Variants in USP47 observed in about 807,000 individuals in gnomAD.
USP47 encodes ubiquitin specific peptidase 47, also known as ubiquitin carboxyl-terminal hydrolase 47.
Under a neutral mutation model 165.1 loss-of-function variants are expected in USP47, and 35 were observed. The observed-to-expected ratio is 0.21, with a 90% CI of 0.16 to 0.28. USP47 has a LOEUF of 0.28. Among genes scored for constraint, USP47 ranks in the 10% least tolerant of loss-of-function variants. The pLI is 1.00. For synonymous variants in USP47, 531 were observed against 544.5 expected (o/e 0.98, Z 0.35); for missense variants, 1,277 against 1,607.4 (o/e 0.79, Z 3.52).
chr11:11,933,242 T>A, intron 15 of USP47, 126 bp downstream of exon 15: 1 of 758,130 alleles, frequency 1.3e-6, no homozygotes, highest in Non-Finnish European at 2.2e-6. Context: ...TTGAACAGTG[T>A]AACCAACTAT....
intron 1 of USP47, among the ~76,000 whole-genome samples, chr11:11,860,890 TGA>T (rs1416581276): frequency 6.6e-6 from 1 of 152,082 alleles, no homozygotes; most frequent in Non-Finnish European, 1.5e-5. Flanking sequence ...AGGATAAAAG[TGA>T]GAGGAAAAGT....
chr11:11,847,437 C>G (rs968333724), intron 1 of USP47, among the ~76,000 whole-genome samples: 1 of 152,118 alleles, frequency 6.6e-6, no homozygotes, highest in Non-Finnish European at 1.5e-5. Flanking sequence ...CAGATTTCCA[C>G]TGTTCTGGAT....
In USP47 at chr11:11,854,134, CAAAAAAAA is replaced by C. The variant is rs539855427; in HGVS notation, c.39+11922_39+11929del. Among the ~76,000 whole-genome samples the C allele has an allele frequency of 3.4e-5, 2 of 59,182 alleles. 1 individual carries two copies. Among genetic ancestry groups the C allele is most frequent in the Non-Finnish European group, 7.9e-5 (2 of 25,474 alleles). 38.8% of individuals were successfully genotyped at this position (59,182 alleles called of 152,430 possible). ...AGGGGGACAGGGCGAGACTCCGTCT[CAAAAAAAA>C]AAAAAAAAAAATCCTATCCAACCAG... On this transcript the variant is annotated intron_variant, in intron 1 of 27. Transcript: ENST00000527733.
chr11:11,864,144 TATTA>T (rs1849536666), intron 1 of USP47, among the ~76,000 whole-genome samples: 1 of 151,994 alleles, frequency 6.6e-6, no homozygotes, highest in Non-Finnish European at 1.5e-5. Context: ...ACTCAAATTA[TATTA>T]ATTCCTTTAA....
At chr11:11,931,752 AT>A (rs149478273) in intron 14 of USP47, among the ~76,000 whole-genome samples, 2,627 of 152,170 alleles carry the variant, frequency 0.017, 58 homozygotes, top group East Asian at 0.081. Context: ...TTTTGATAAA[AT>A]TTTTTTCCCC....
chr11:11,908,441 G>A (rs892257498), intron 8 of USP47, among the ~76,000 whole-genome samples: 1 of 151,758 alleles, frequency 6.6e-6, no homozygotes, highest in Non-Finnish European at 1.5e-5. Flanking sequence ...GCCCAGCCAG[G>A]GTTTTTCTTT....
In USP47 at chr11:11,957,089, C is replaced by T. The variant is rs1265217094; in HGVS notation, c.*914C>T. 6.6e-6 allele frequency: 1 copy of T among 152,120 alleles called. No homozygotes were observed. Among genetic ancestry groups the T allele is most frequent in the Non-Finnish European group, 1.5e-5 (1 of 68,036 alleles). 9.4% of individuals were successfully genotyped at this position (152,120 alleles called of 1,614,324 possible). On this transcript the variant is annotated 3_prime_UTR_variant, in exon 28 of 28. Coordinates refer to ENST00000527733, the MANE Select transcript of USP47 (RefSeq NM_001282659.2). The stretch of plus-strand genomic sequence containing the variant: ...GCTAGGTCCCATAGGATTGTCGTTG[C>T]CCTTGTTAATGAGGTTTCTCTGTTC...
chr11:11,871,757 C>G (rs940591469), intron 1 of USP47, among the ~76,000 whole-genome samples: 6 of 152,058 alleles, frequency 3.9e-5, no homozygotes, highest in Non-Finnish European at 7.4e-5. Flanking sequence ...CTCTTTCCAC[C>G]CCTTGAACTC....
chr11:11,909,325 A>G (rs894445101), intron 8 of USP47, among the ~76,000 whole-genome samples: 4 of 152,184 alleles, frequency 2.6e-5, no homozygotes, highest in Non-Finnish European at 2.9e-5. Context: ...AGAACCTTCT[A>G]TGTTCACTGA....
chr11:11,944,152 A>G (rs1855667749), intron 20 of USP47, among the ~76,000 whole-genome samples: 1 of 149,496 alleles, frequency 6.7e-6, no homozygotes, highest in Non-Finnish European at 1.5e-5. Flanking sequence ...CACCCATCCA[A>G]GTAACATTTT....
intron 11 of USP47, among the ~76,000 whole-genome samples, chr11:11,928,046 C>T (rs1444142516): frequency 6.6e-6 from 1 of 151,852 alleles, no homozygotes. Flanking sequence ...TAGAATTTTC[C>T]AGGAAGATAA....
intron 1 of USP47, among the ~76,000 whole-genome samples, chr11:11,852,386 T>G (rs970646792): frequency 5.9e-5 from 9 of 152,228 alleles, no homozygotes; most frequent in Admixed American, 2.0e-4. Flanking sequence ...ATCATTTATT[T>G]TGTTGATCAA....
intron 8 of USP47, among the ~76,000 whole-genome samples, chr11:11,918,056 A>T (rs568323512): frequency 3.9e-5 from 6 of 152,280 alleles, no homozygotes; most frequent in African/African-American, 1.4e-4. Context: ...ACTATATGGT[A>T]GAGAGACTGG....
intron 1 of USP47, among the ~76,000 whole-genome samples, chr11:11,843,534 A>G (rs1848262126): frequency 6.6e-6 from 1 of 152,238 alleles, no homozygotes; most frequent in Non-Finnish European, 1.5e-5. Flanking sequence ...TTTACCACGT[A>G]AGTAATTCTT....
At chr11:11,856,363 GA>G (rs1183893060) in intron 1 of USP47, 1 of 152,118 alleles carries the variant, frequency 6.6e-6, no homozygotes, top group African/African-American at 2.4e-5. Flanking sequence ...CAAAGTGGGG[GA>G]AAAACTTGCT....
chr11:11,861,014 G>A (rs559870132), intron 1 of USP47, among the ~76,000 whole-genome samples: 2 of 152,244 alleles, frequency 1.3e-5, no homozygotes, highest in South Asian at 4.1e-4. Context: ...GTCACTTAAG[G>A]TTTCTCAATT....
At chr11:11,896,384 T>A (rs1429282877) in intron 4 of USP47, among the ~76,000 whole-genome samples, 3 of 152,118 alleles carry the variant, frequency 2.0e-5, no homozygotes, top group Admixed American at 6.5e-5. Context: ...CCCCAGACTG[T>A]TGAGGAATTG....
At chr11:11,879,273 CTA>C (rs1272360766) in intron 1 of USP47, among the ~76,000 whole-genome samples, 1 of 151,970 alleles carries the variant, frequency 6.6e-6, no homozygotes, top group Non-Finnish European at 1.5e-5. Flanking sequence ...GTTTTGGAGA[CTA>C]TGTGAGGTAA....
intron 1 of USP47, among the ~76,000 whole-genome samples, chr11:11,850,996 A>G (rs1260876911): frequency 6.6e-6 from 1 of 152,164 alleles, no homozygotes; most frequent in Non-Finnish European, 1.5e-5. Context: ...CCATCCAAAG[A>G]TCCCACTTCC....
Sources: gnomAD v4.1 joint callset for allele counts (sites outside exome capture counted in the v4.1 genomes callset) on GRCh38, gnomAD v4.1.1 for gene constraint, MANE v1.5 for transcripts, NCBI Gene and HGNC (gene_info 2026-07-23, HGNC 2026-07-21) for gene names.